ACAP2: variants seen among roughly 807,000 people sequenced by gnomAD.
ACAP2 encodes the protein arf-GAP with coiled-coil, ANK repeat and PH domain-containing protein 2.
A neutral mutation model predicts 115.8 loss-of-function variants in ACAP2; 39 were observed. That is an observed-to-expected ratio of 0.34 (90% CI 0.26 to 0.44). ACAP2 has a LOEUF of 0.44. ACAP2 is among the 20% of genes least tolerant of loss of function. The pLI, the probability that ACAP2 is intolerant of heterozygous loss-of-function variation, is 1.00. For missense variants in ACAP2, 662 were observed against 927.6 expected, an observed-to-expected ratio of 0.71 and a Z score of 3.72; for synonymous variants, 289 against 315.8, an observed-to-expected ratio of 0.92 and a Z score of 0.90.
Position 195,306,852 on chromosome 3 carries a change from T to A in ACAP2, c.1011-236A>T, listed in dbSNP as rs370139501. The A allele has an allele frequency of 1.2e-3, 244 of 206,050 alleles. No individual in the cohort carries two copies. Among genetic ancestry groups the A allele is most frequent in the Middle Eastern group, 3.6e-3 (2 of 548 alleles). The allele number at this position is 206,050 out of a possible 1,614,324, so 12.8% of individuals were successfully genotyped here. A position where few individuals can be genotyped will look rare whatever the true frequency, so the allele number is the denominator to read the frequency against. On this transcript the variant is annotated intron_variant, in intron 12 of 22. Transcript: ENST00000326793. The stretch of plus-strand genomic sequence containing the variant: ...AACAAATAACCCATCACTGAATATT[T>A]AAAAAAAAAAAAAACCACTTAAATT...
At chr3:195,430,161 T>C (rs1715009479) in intron 1 of ACAP2, among the ~76,000 whole-genome samples, 1 of 152,198 alleles carries the variant, frequency 6.6e-6, no homozygotes, top group African/African-American at 2.4e-5. Flanking sequence ...TGCCGGGATT[T>C]CTTATCTACA....
chr3:195,373,475 A>G (rs1733315845), intron 4 of ACAP2, among the ~76,000 whole-genome samples: 1 of 152,214 alleles, frequency 6.6e-6, no homozygotes, highest in African/African-American at 2.4e-5. Flanking sequence ...AAATTTTGCT[A>G]AAATTTATGA....
intron 1 of ACAP2, among the ~76,000 whole-genome samples, chr3:195,399,314 T>C (rs1400678454): frequency 6.6e-6 from 1 of 152,212 alleles, no homozygotes; most frequent in Non-Finnish European, 1.5e-5. Context: ...TTTGTTTGGC[T>C]TAATATTTTG....
intron 4 of ACAP2, among the ~76,000 whole-genome samples, chr3:195,374,692 T>C (rs1733395640): frequency 2.8e-5 from 4 of 144,504 alleles, no homozygotes; most frequent in African/African-American, 7.6e-5. Flanking sequence ...TTGAAAATAT[T>C]TCATGCAGAA....
chr3:195,296,379 T>G (rs1312617660), intron 16 of ACAP2, among the ~76,000 whole-genome samples: 1 of 152,204 alleles, frequency 6.6e-6, no homozygotes, highest in African/African-American at 2.4e-5. Flanking sequence ...AATAAACTTG[T>G]AACTTATGAT....
intron 6 of ACAP2, among the ~76,000 whole-genome samples, chr3:195,339,499 TATA>T (rs1730732760): frequency 6.7e-6 from 1 of 149,922 alleles, no homozygotes; most frequent in Non-Finnish European, 1.5e-5. Context: ...TTTTATATTA[TATA>T]ATATTTAAAT....
intron 1 of ACAP2, among the ~76,000 whole-genome samples, chr3:195,421,633 A>G (rs1192860886): frequency 2.0e-5 from 3 of 152,248 alleles, no homozygotes; most frequent in Non-Finnish European, 4.4e-5. Context: ...ATTGATGAGC[A>G]AGAAATCTCC....
At chr3:195,432,331 C>A (rs565066633) in intron 1 of ACAP2, among the ~76,000 whole-genome samples, 3 of 152,296 alleles carry the variant, frequency 2.0e-5, no homozygotes, top group East Asian at 1.9e-4. Flanking sequence ...GTCTTCCATG[C>A]AGGCCTGTGA....
intron 1 of ACAP2, among the ~76,000 whole-genome samples, chr3:195,403,155 G>A (rs770443573): frequency 6.6e-6 from 1 of 152,182 alleles, no homozygotes; most frequent in Non-Finnish European, 1.5e-5. Flanking sequence ...AGTGAACCAT[G>A]CAGACAAGGG....
chr3:195,424,166 T>C (rs1329829285), intron 1 of ACAP2, among the ~76,000 whole-genome samples: 2 of 150,458 alleles, frequency 1.3e-5, no homozygotes, highest in East Asian at 1.9e-4. Context: ...ATAAATAGCA[T>C]ATATCTCGGA....
At chr3:195,300,044 C>CTTTTTTTTTTTTTTTTTTTTTTTTTTT (rs765234326) in intron 15 of ACAP2, among the ~76,000 whole-genome samples, 1 of 34,352 alleles carries the variant, frequency 2.9e-5, no homozygotes, top group African/African-American at 7.0e-5. Context: ...CTTTTTTTTT[C>CTTTTTTTTTTTTTTTTTTTTTTTTTTT]TTTTTTTTTT....
chr3:195,288,099 CAA>C (rs547624793), intron 21 of ACAP2, among the ~76,000 whole-genome samples: 21 of 120,396 alleles, frequency 1.7e-4, no homozygotes, highest in Admixed American at 1.7e-4. Context: ...AACTCTGTCT[CAA>C]AAAAAAAAAA....
intron 16 of ACAP2, among the ~76,000 whole-genome samples, 193 bp from the exon 17 acceptor site, chr3:195,296,085 T>G (rs1430956790): frequency 2.0e-5 from 3 of 152,160 alleles, no homozygotes; most frequent in African/African-American, 7.2e-5. Flanking sequence ...GATTTCACAC[T>G]CAAGTGAAAT....
intron 10 of ACAP2, among the ~76,000 whole-genome samples, chr3:195,317,769 T>C (rs953606502): frequency 6.6e-6 from 1 of 152,132 alleles, no homozygotes; most frequent in Non-Finnish European, 1.5e-5. Context: ...CACAGCTTCA[T>C]ATATGAAAAA....
intron 1 of ACAP2, among the ~76,000 whole-genome samples, chr3:195,434,764 T>A (rs1211241168): frequency 6.6e-6 from 1 of 152,234 alleles, no homozygotes; most frequent in Non-Finnish European, 1.5e-5. Context: ...ATCAATTAAA[T>A]CTCTATTTTT....
At chr3:195,312,750 TGAG>T in intron 10 of ACAP2, among the ~76,000 whole-genome samples, 1 of 152,346 alleles carries the variant, frequency 6.6e-6, no homozygotes, top group East Asian at 1.9e-4. Context: ...TAAAACAAAT[TGAG>T]GAGATGTGCA....
chr3:195,409,294 G>A (rs150905768), intron 1 of ACAP2, among the ~76,000 whole-genome samples: 64 of 152,102 alleles, frequency 4.2e-4, no homozygotes, highest in African/African-American at 1.5e-3. Context: ...TACACATTAA[G>A]AATGTACAAT....
chr3:195,345,359 C>G (rs748577726), intron 4 of ACAP2, 42 bp from the exon 5 acceptor site: 1 of 1,276,106 alleles, frequency 7.8e-7, no homozygotes, highest in Non-Finnish European at 1.1e-6. Flanking sequence ...GAAAAGTAAA[C>G]AAAATAATTT....
intron 3 of ACAP2, 124 bp from the exon 4 acceptor site, chr3:195,381,186 C>T (rs1733917209): frequency 1.4e-6 from 1 of 689,906 alleles, no homozygotes; most frequent in Non-Finnish European, 2.5e-6. Flanking sequence ...CATTTATTTC[C>T]AATGACAATC....
Sources: gnomAD v4.1 joint callset for allele counts (sites outside exome capture counted in the v4.1 genomes callset) on GRCh38, gnomAD v4.1.1 for gene constraint, MANE v1.5 for transcripts, NCBI Gene and HGNC (gene_info 2026-07-23, HGNC 2026-07-21) for gene names.